Variants in SSBP2 observed in about 807,000 individuals in gnomAD.
SSBP2 encodes the protein single stranded DNA binding protein 2.
Under a neutral mutation model 61.8 loss-of-function variants are expected in SSBP2, and 17 were observed. The ratio of observed to expected loss-of-function variants is 0.28; its 90% CI spans 0.19 to 0.41. The LOEUF (loss-of-function observed/expected upper bound fraction) is 0.41. SSBP2 is among the 10% of genes least tolerant of loss of function. SSBP2 has a pLI of 1.00. For synonymous variants in SSBP2, 139 were observed against 141.3 expected (o/e 0.98, Z 0.12); for missense variants, 310 against 458.7 (o/e 0.68, Z 2.96).
chr5:81,435,451 A>G (rs1195734720), intron 15 of SSBP2, among the ~76,000 whole-genome samples: 1 of 152,226 alleles, frequency 6.6e-6, no homozygotes, highest in Non-Finnish European at 1.5e-5. Flanking sequence ...ACACAAGTAC[A>G]CACTGGATGG....
chr5:81,594,717 A>C (rs1479079930), intron 4 of SSBP2, among the ~76,000 whole-genome samples: 1 of 151,668 alleles, frequency 6.6e-6, no homozygotes, highest in Non-Finnish European at 1.5e-5. Flanking sequence ...TACATGGAAA[A>C]TGAACAACCT....
chr5:81,478,163 C>T (rs1035354045), intron 6 of SSBP2, among the ~76,000 whole-genome samples: 6 of 151,642 alleles, frequency 4.0e-5, no homozygotes, highest in African/African-American at 1.5e-4. Flanking sequence ...AAAAAATTAA[C>T]TTTTTTTTAT....
chr5:81,599,205 C>G (rs1265575745), intron 4 of SSBP2, among the ~76,000 whole-genome samples: 1 of 152,042 alleles, frequency 6.6e-6, no homozygotes, highest in Non-Finnish European at 1.5e-5. Context: ...TTTTCCCAGG[C>G]AAGAAATTGT....
chr5:81,541,377 C>A (rs1017329075), intron 4 of SSBP2, among the ~76,000 whole-genome samples: 1 of 151,958 alleles, frequency 6.6e-6, no homozygotes, highest in African/African-American at 2.4e-5. Flanking sequence ...GCTATTCATA[C>A]CAAACTACCA....
At chr5:81,590,465 G>C (rs182971017) in intron 4 of SSBP2, among the ~76,000 whole-genome samples, 38 of 152,322 alleles carry the variant, frequency 2.5e-4, no homozygotes, top group South Asian at 1.2e-3. Flanking sequence ...AGCAGGACAT[G>C]AGCACTTGAT....
At chr5:81,449,511 T>C (rs1357033105) in intron 10 of SSBP2, among the ~76,000 whole-genome samples, 1 of 152,164 alleles carries the variant, frequency 6.6e-6, no homozygotes, top group African/African-American at 2.4e-5. Context: ...AAGAGATATT[T>C]TTGTCTTATT....
At chr5:81,538,742 G>GTGTTCTAT (rs1771010404) in intron 4 of SSBP2, among the ~76,000 whole-genome samples, 1 of 152,184 alleles carries the variant, frequency 6.6e-6, no homozygotes, top group African/African-American at 2.4e-5. Context: ...TACTCTGCCT[G>GTGTTCTAT]TGTTCTATAA....
chr5:81,583,491 A>T (rs555572108), intron 4 of SSBP2, among the ~76,000 whole-genome samples: 2 of 152,000 alleles, frequency 1.3e-5, no homozygotes, highest in Non-Finnish European at 2.9e-5. Flanking sequence ...TTAGCTGGGC[A>T]TGGTGGCAGG....
intron 1 of SSBP2, among the ~76,000 whole-genome samples, chr5:81,716,913 T>C (rs1755205818): frequency 6.6e-6 from 1 of 152,222 alleles, no homozygotes; most frequent in Admixed American, 6.5e-5. Context: ...GTGAGGCTGA[T>C]GTTTTATAAT....
intron 1 of SSBP2, among the ~76,000 whole-genome samples, chr5:81,653,141 C>T (rs915479584): frequency 5.3e-5 from 8 of 152,214 alleles, no homozygotes; most frequent in African/African-American, 1.9e-4. Context: ...TGTTCCCCTC[C>T]CTGTGTCCAT....
chr5:81,421,064 AC>A (rs1761577397), intron 16 of SSBP2, among the ~76,000 whole-genome samples: 1 of 152,210 alleles, frequency 6.6e-6, no homozygotes, highest in Admixed American at 6.5e-5. Context: ...TTAGGTTAAT[AC>A]TGTAGGGAAA....
chr5:81,695,090 T>G (rs887778775), intron 1 of SSBP2, among the ~76,000 whole-genome samples: 3 of 152,238 alleles, frequency 2.0e-5, no homozygotes, highest in African/African-American at 7.2e-5. Flanking sequence ...GAACATATTT[T>G]AAATAATCAG....
chr5:81,626,700 A>AT (rs144476837), intron 3 of SSBP2, among the ~76,000 whole-genome samples: 7,858 of 152,212 alleles, frequency 0.052, 373 homozygotes, highest in African/African-American at 0.12. Flanking sequence ...CTCACCCTAC[A>AT]TGCAGCTGCC....
At chr5:81,705,888 TGTTG>T (rs1439363333) in intron 1 of SSBP2, among the ~76,000 whole-genome samples, 1 of 152,162 alleles carries the variant, frequency 6.6e-6, no homozygotes, top group Non-Finnish European at 1.5e-5. Context: ...ACACATACAC[TGTTG>T]GTGGGAATGT....
At chr5:81,462,877 T>C (rs185430995) in intron 9 of SSBP2, among the ~76,000 whole-genome samples, 39 of 152,252 alleles carry the variant, frequency 2.6e-4, no homozygotes, top group Admixed American at 6.5e-4. Flanking sequence ...GATAATCTTA[T>C]AATTTTGAAA....
intron 1 of SSBP2, among the ~76,000 whole-genome samples, chr5:81,669,026 T>A (rs542698848): frequency 2.3e-3 from 351 of 152,286 alleles, no homozygotes; most frequent in Middle Eastern, 6.8e-3. Flanking sequence ...ATGATAGGGT[T>A]TTTTACTGAC....
chr5:81,660,742 G>C (rs1561665083), intron 1 of SSBP2, among the ~76,000 whole-genome samples: 1 of 152,088 alleles, frequency 6.6e-6, no homozygotes, highest in Non-Finnish European at 1.5e-5. Flanking sequence ...CAATAGCAAA[G>C]ACCTGGAACA....
chr5:81,614,359 C>CAGA (rs1554098603), intron 4 of SSBP2, among the ~76,000 whole-genome samples: 6 of 73,820 alleles, frequency 8.1e-5, no homozygotes, highest in South Asian at 1.1e-3. Flanking sequence ...GACTCCGTCT[C>CAGA]AAAAAAAAAA....
rs148963988 is a variant in SSBP2, at chr5:81,483,059, G to A, written c.432+6191C>T. On this transcript the variant is annotated intron_variant, in intron 6 of 16. Coordinates refer to ENST00000320672, the MANE Select transcript of SSBP2 (RefSeq NM_012446.5). ...GTGATCAGGGAGTGGCTGGTCGGTG[G>A]AGCAGTCAGAACATACAGAATTATG... Among the ~76,000 whole-genome samples, 354 of 152,246 alleles carry A rather than the reference G, an allele frequency of 2.3e-3. 1 individual carries two copies. Among genetic ancestry groups the A allele is most frequent in the African/African-American group, 8.1e-3 (336 of 41,556 alleles).
Sources: allele counts gnomAD v4.1 joint callset (sites outside exome capture counted in the v4.1 genomes callset), GRCh38; gene constraint gnomAD v4.1.1; transcripts MANE v1.5; gene names NCBI Gene and HGNC (gene_info 2026-07-23, HGNC 2026-07-21).